The following DUSP8 variants were observed in gnomAD, a reference collection of about 807,000 sequenced individuals.
DUSP8 encodes dual specificity protein phosphatase 8.
In DUSP8, 15 loss-of-function variants were observed where a neutral mutation model predicts 38.7. The observed-to-expected ratio is 0.39, with a 90% CI of 0.26 to 0.60. The LOEUF (loss-of-function observed/expected upper bound fraction) is 0.60. Among genes scored for constraint, DUSP8 ranks in the 20% least tolerant of loss-of-function variants. The pLI is 0.56. For synonymous variants in DUSP8, 458 were observed against 433.9 expected (o/e 1.06, Z -0.69); for missense variants, 768 against 915.0 (o/e 0.84, Z 2.07).
intron 3 of DUSP8, among the ~76,000 whole-genome samples, chr11:1,559,703 G>T (rs1330527511): frequency 6.6e-6 from 1 of 152,230 alleles, no homozygotes; most frequent in African/African-American, 2.4e-5. Flanking sequence ...CAGCAGGGGA[G>T]GACGGAGAGT....
chr11:1,559,083 TGA>T, intron 3 of DUSP8, 28 bp from the exon 4 acceptor site: 1 of 1,602,222 alleles, frequency 6.2e-7, no homozygotes, highest in Non-Finnish European at 8.5e-7. Flanking sequence ...TCAAGTGGGT[TGA>T]GAGAACACCT....
chr11:1,572,052 C>T lies in DUSP8; in HGVS notation c.-260G>A, dbSNP rs918084271. 3.5e-4 allele frequency: 51 copies of T among 145,524 alleles called. No homozygotes were observed. The highest frequency in any genetic ancestry group is 3.1e-3 in the Admixed American group (45 of 14,702). The allele number at this position is 145,524 out of a possible 1,614,324, so 9.0% of individuals were successfully genotyped here. A position where few individuals can be genotyped will look rare whatever the true frequency, so the allele number is the denominator to read the frequency against. ...GGCCGCGTCGCCGTCGCCGCCGTCGCCGCCGCCAACGCCGCGGGGAGCGCT... is the reference window on the plus strand; with the variant it reads ...GGCCGCGTCGCCGTCGCCGCCGTCGTCGCCGCCAACGCCGCGGGGAGCGCT... On this transcript the variant is annotated 5_prime_UTR_variant, in exon 1 of 7. Coordinates refer to ENST00000397374, the MANE Select transcript of DUSP8 (RefSeq NM_004420.3). This position sits in a 1 kb window ranked among gnomAD's most constrained non-coding sequence, Gnocchi z 4.7.
At chr11:1,563,566 TTC>T (rs1362730232) in intron 3 of DUSP8, among the ~76,000 whole-genome samples, 28 of 152,260 alleles carry the variant, frequency 1.8e-4, no homozygotes, top group African/African-American at 6.7e-4. Context: ...TGCCTCCGGC[TTC>T]TGACAGGAGC....
At chr11:1,560,491 A>G (rs1435523596) in intron 3 of DUSP8, among the ~76,000 whole-genome samples, 1 of 152,206 alleles carries the variant, frequency 6.6e-6, no homozygotes, top group East Asian at 1.9e-4. Context: ...GTCCCTAAAA[A>G]GGGCGTGACG....
chr11:1,555,490 GGGGGC>G lies in DUSP8; in HGVS notation c.*1023_*1027del. 7.5e-6 allele frequency: 7 copies of G among 936,512 alleles called. No individual in the cohort carries two copies. Among genetic ancestry groups the G allele is most frequent in the Non-Finnish European group, 7.6e-6 (6 of 784,900 alleles). The allele number at this position is 936,512 out of a possible 1,614,324, so 58.0% of individuals were successfully genotyped here. A position where few individuals can be genotyped will look rare whatever the true frequency, so the allele number is the denominator to read the frequency against. Reference sequence around the variant, plus strand: ...GTTCTGCCTGGGGCATGGCTGGGAGGGGGGCGGGGCAGACCTGGAACAGAACCCTA... The same window carrying G: ...GTTCTGCCTGGGGCATGGCTGGGAGGGGGGCAGACCTGGAACAGAACCCTA... On this transcript the variant is annotated 3_prime_UTR_variant, in exon 7 of 7. Transcript: ENST00000397374.
chr11:1,556,589 C>T lies in DUSP8; in HGVS notation c.1807G>A (p.Gly603Ser), dbSNP rs61747093. ...TTGCCCAGGGCGGCCAGCTCCTCGC[C>T]GCGCGCGCGCCCCTCCACCATGCCC... The part of the protein sequence containing the change: ...EEGMVEGRAR[G>S]EELAALGKQA... Residue 603 changes from glycine to serine, a missense_variant, in exon 7 of 7, where the codon GGC becomes AGC. Transcript: ENST00000397374. The surrounding 1 kb of genome is among the most constrained non-coding windows in gnomAD (Gnocchi z 5.2). The T allele has an allele frequency of 2.1e-6, 3 of 1,416,012 alleles. No individual in the cohort carries two copies. Among genetic ancestry groups the T allele is most frequent in the South Asian group, 1.5e-5 (1 of 66,938 alleles). The allele number at this position is 1,416,012 out of a possible 1,614,324, so 87.7% of individuals were successfully genotyped here.
At chr11:1,564,035 A>G in intron 2 of DUSP8, 46 bp from the exon 3 acceptor site, 9 of 1,402,326 alleles carry the variant, frequency 6.4e-6, no homozygotes, top group Non-Finnish European at 7.5e-6. Context: ...CCACCTATCG[A>G]TGCCCTGGCC....
intron 2 of DUSP8, 78 bp from the exon 3 acceptor site, chr11:1,564,067 A>T: frequency 7.4e-7 from 1 of 1,360,230 alleles, no homozygotes; most frequent in Non-Finnish European, 9.5e-7. Flanking sequence ...ATGCTGGCTC[A>T]AGGGAATAGT....
Position 1,558,373 on chromosome 11 carries a change from T to A in DUSP8, c.538-102A>T, listed in dbSNP as rs1338733519. 1 of 1,032,628 alleles carries A rather than the reference T, an allele frequency of 9.7e-7. No individual in the cohort carries two copies. The highest frequency in any genetic ancestry group is 1.6e-5 in the African/African-American group (1 of 62,246). 64.0% of individuals were successfully genotyped at this position (1,032,628 alleles called of 1,614,324 possible). The stretch of plus-strand genomic sequence containing the variant: ...CCTGCCGTCAGGAGGGCCTTTAGAA[T>A]CCTGGGAGCCTTGGAATTTGTCCCA... On this transcript the variant is annotated intron_variant, in intron 4 of 6. Transcript: ENST00000397374. This position sits in a 1 kb window ranked among gnomAD's most constrained non-coding sequence, Gnocchi z 6.3.
chr11:1,565,806 C>A lies in DUSP8; in HGVS notation c.21G>T (p.Pro7=), dbSNP rs370178103. 6.2e-7 allele frequency: 1 copy of A among 1,607,178 alleles called. No homozygotes were observed. The change falls in exon 2 of 7, where the codon CCG becomes CCT. Residue 7 remains proline (P), a synonymous_variant. Transcript: ENST00000397374. ...GCTTCTTGGCATCCATCACCTTCCT[C>A]GGGAGCCGGTCCCCAGCCATGGTGG... MAGDRL[P]RKVMDAKKLA... is the part of the protein sequence containing the mutation.
Position 1,556,603 on chromosome 11 carries a change from TC to T in DUSP8, c.1792del (p.Glu598ArgfsTer66). The T allele has an allele frequency of 6.9e-7, 1 of 1,438,882 alleles. No individual in the cohort carries two copies. Among genetic ancestry groups the T allele is most frequent in the Non-Finnish European group, 9.1e-7 (1 of 1,097,440 alleles). The allele number at this position is 1,438,882 out of a possible 1,614,324, so 89.1% of individuals were successfully genotyped here. ...CQMEFEEGMV[E>X]GRARGEELAA... is the part of the protein sequence containing the mutation. Reference sequence around the variant, plus strand: ...CAGCTCCTCGCCGCGCGCGCGCCCCTCCACCATGCCCTCCTCGAACTCCATC... The same window carrying T: ...CAGCTCCTCGCCGCGCGCGCGCCCCTCACCATGCCCTCCTCGAACTCCATC... On this transcript the variant is annotated frameshift_variant, in exon 7 of 7. Transcript: ENST00000397374. LOFTEE classifies it high-confidence loss of function. This position sits in a 1 kb window ranked among gnomAD's most constrained non-coding sequence, Gnocchi z 5.2.
chr11:1,554,667 C>A lies in DUSP8; in HGVS notation c.*1851G>T, dbSNP rs1176053475. 2.0e-6 allele frequency: 2 copies of A among 983,656 alleles called. No individual in the cohort carries two copies. Among genetic ancestry groups the A allele is most frequent in the Non-Finnish European group, 2.4e-6 (2 of 826,454 alleles). The allele number at this position is 983,656 out of a possible 1,614,324, so 60.9% of individuals were successfully genotyped here. A position where few individuals can be genotyped will look rare whatever the true frequency, so the allele number is the denominator to read the frequency against. On this transcript the variant is annotated 3_prime_UTR_variant, in exon 7 of 7. Transcript: ENST00000397374. ...AGGGAGAAGGGGGCCCAACCAGTGG[C>A]CCCAGACCACTGTCTCCCGGACAGC...
In DUSP8 at chr11:1,554,798, A is replaced by T. The variant is rs1848596776; in HGVS notation, c.*1720T>A. Reference sequence around the variant, plus strand: ...TATGGGAGGCAAATTTACATAATTAATAATAATTAACCAATAATAATAAAT... The same window carrying T: ...TATGGGAGGCAAATTTACATAATTATTAATAATTAACCAATAATAATAAAT... On this transcript the variant is annotated 3_prime_UTR_variant, in exon 7 of 7. Transcript: ENST00000397374. 1.9e-6 allele frequency: 1 copy of T among 531,754 alleles called. No individual in the cohort carries two copies. Among genetic ancestry groups the T allele is most frequent in the Non-Finnish European group, 2.4e-6 (1 of 415,264 alleles). 32.9% of individuals were successfully genotyped at this position (531,754 alleles called of 1,614,324 possible).
intron 1 of DUSP8, among the ~76,000 whole-genome samples, chr11:1,569,715 T>G (rs1428276581): frequency 6.6e-6 from 1 of 152,136 alleles, no homozygotes; most frequent in African/African-American, 2.4e-5. Flanking sequence ...CTTACCATGT[T>G]ACCTTCTGCT....
chr11:1,571,590 G>C (rs1330613834), intron 1 of DUSP8: 1 of 124,834 alleles, frequency 8.0e-6, no homozygotes, highest in African/African-American at 3.0e-5. Flanking sequence ...GGCCCTGGTG[G>C]GTCCTGGATT....
rs1384722044 is a variant in DUSP8, at chr11:1,563,941, G to A, written c.280C>T (p.Arg94Trp). 6.5e-6 allele frequency: 10 copies of A among 1,540,474 alleles called. No homozygotes were observed. The highest frequency in any genetic ancestry group is 2.0e-5 in the Admixed American group (1 of 49,978). The stretch of plus-strand genomic sequence containing the variant: ...TCTGCGGCCAGCACGCTGGCGTCCC[G>A]CGTGCTCTGGTCATAGACCACCACG... ...QDVVVYDQST[R>W]DASVLAADSF... The change falls in exon 3 of 7, where the codon CGG (arginine) becomes TGG (tryptophan). Residue 94 changes from arginine to tryptophan, a missense_variant. By Grantham distance (101) the Arg-to-Trp change is moderately radical. This residue lies in a region of DUSP8 where 252 missense variants were observed against 410.4 expected (regional missense o/e 0.61). Coordinates refer to ENST00000397374, the MANE Select transcript of DUSP8 (RefSeq NM_004420.3).
intron 2 of DUSP8, among the ~76,000 whole-genome samples, chr11:1,564,251 C>T (rs1365003472): frequency 2.6e-5 from 4 of 152,316 alleles, no homozygotes; most frequent in African/African-American, 9.6e-5. Context: ...AGCTGTGCCC[C>T]CATGCCATGC....
chr11:1,572,323 A>G (rs1315597905), upstream of DUSP8, among the ~76,000 whole-genome samples: 3 of 145,746 alleles, frequency 2.1e-5, no homozygotes, highest in African/African-American at 5.1e-5. The surrounding 1 kb of genome is among the most constrained non-coding windows in gnomAD (Gnocchi z 4.7). Flanking sequence ...GGTCATGCCG[A>G]GCGAAAAAAG....
In DUSP8 at chr11:1,557,036, G is replaced by C. The variant is rs1038073020; in HGVS notation, c.1360C>G (p.Arg454Gly). 29 of 1,089,296 alleles carry C rather than the reference G, an allele frequency of 2.7e-5. No homozygotes were observed. Among genetic ancestry groups the C allele is most frequent in the Non-Finnish European group, 3.1e-5 (28 of 897,902 alleles). 67.5% of individuals were successfully genotyped at this position (1,089,296 alleles called of 1,614,324 possible). ...DAAPEARPRPRRRPRPPAGSP... is the reference protein window; with the variant it reads ...DAAPEARPRPGRRPRPPAGSP... ...CCGGCGGGGGGCCGGGGCCGCCGGC[G>C]GGGCCGTGGGCGCGCCTCAGGCGCG... is the stretch of plus-strand genomic sequence containing the variant. Residue 454 changes from arginine (R) to glycine (G), a missense_variant, in exon 7 of 7, where the codon CGC becomes GGC. Coordinates refer to ENST00000397374, the MANE Select transcript of DUSP8 (RefSeq NM_004420.3). This position sits in a 1 kb window ranked among gnomAD's most constrained non-coding sequence, Gnocchi z 9.9.
Sources: allele counts gnomAD v4.1 joint callset (sites outside exome capture counted in the v4.1 genomes callset), GRCh38; gene constraint gnomAD v4.1.1; regional missense constraint gnomAD v4.1.1; non-coding constraint Gnocchi (gnomAD v3.1); transcripts MANE v1.5; gene names NCBI Gene and HGNC (gene_info 2026-07-23, HGNC 2026-07-21).